Variants in PRTFDC1 observed in about 807,000 individuals in gnomAD.
PRTFDC1 encodes the protein phosphoribosyl transferase domain containing 1.
In PRTFDC1, 38 loss-of-function variants were observed where a neutral mutation model predicts 34.6. That is an observed-to-expected ratio of 1.10 (90% CI 0.85 to 1.44). The LOEUF is 1.44. PRTFDC1 is among the 40% of genes most tolerant of loss of function. The probability of loss-of-function intolerance (pLI) is 0.00; values close to 1 mark genes in which losing one functional copy is unlikely to be tolerated. For missense variants in PRTFDC1, 270 were observed against 283.0 expected (o/e 0.95, Z 0.33); for synonymous variants, 93 against 98.1 (o/e 0.95, Z 0.31).
Position 24,930,539 on chromosome 10 carries a change from A to G in PRTFDC1, c.339+6645T>C, listed in dbSNP as rs147861549. Among the ~76,000 whole-genome samples, 168 of 152,336 alleles carry G rather than the reference A, an allele frequency of 1.1e-3. 1 individual carries two copies. The highest frequency in any genetic ancestry group is 3.8e-3 in the African/African-American group (160 of 41,586). The stretch of plus-strand genomic sequence containing the variant: ...ATGTCAAAATAAAGCTCAAGAAAAA[A>G]TAATGCTGATTCATTTGGTCAAATG... On this transcript the variant is annotated intron_variant, in intron 3 of 8. Coordinates refer to ENST00000320152, the MANE Select transcript of PRTFDC1 (RefSeq NM_020200.7).
intron 4 of PRTFDC1, among the ~76,000 whole-genome samples, chr10:24,861,598 CTGTT>C (rs1847681226): frequency 6.6e-6 from 1 of 152,064 alleles, no homozygotes; most frequent in African/African-American, 2.4e-5. Flanking sequence ...CACTTCACCT[CTGTT>C]TGCTCCCAAT....
chr10:24,860,210 T>A (rs544248637), intron 4 of PRTFDC1, among the ~76,000 whole-genome samples: 150 of 152,198 alleles, frequency 9.9e-4, no homozygotes, highest in African/African-American at 3.4e-3. Context: ...TGAAACCCCG[T>A]CTCTACTAAA....
chr10:24,855,032 A>G (rs1847548281), intron 7 of PRTFDC1, among the ~76,000 whole-genome samples: 1 of 152,190 alleles, frequency 6.6e-6, no homozygotes, highest in Non-Finnish European at 1.5e-5. Context: ...ACTTCTCTGT[A>G]GTTAAGGTGC....
rs1357279084 is a variant in PRTFDC1 at position 24,872,073 on chromosome 10, A to G, written c.340-10T>C. 6.2e-7 allele frequency: 1 copy of G among 1,601,672 alleles called. No homozygotes were observed. The highest frequency in any genetic ancestry group is 8.5e-7 in the Non-Finnish European group (1 of 1,170,366). On this transcript the variant is annotated splice_polypyrimidine_tract_variant and intron_variant, in intron 3 of 8. Transcript: ENST00000320152. ...CCATGGACTGGTCATTCTGCAAAAA[A>G]GAAGAAAAAAAAGGGAGACAATTTT...
At chr10:24,881,652 A>G (rs1848081101) in intron 3 of PRTFDC1, among the ~76,000 whole-genome samples, 2 of 152,214 alleles carry the variant, frequency 1.3e-5, no homozygotes, top group South Asian at 4.1e-4. Context: ...TAAAGAATTC[A>G]CTACTTGTAA....
intron 3 of PRTFDC1, among the ~76,000 whole-genome samples, chr10:24,890,274 G>A (rs148768793): frequency 2.9e-3 from 436 of 152,220 alleles, no homozygotes; most frequent in African/African-American, 0.01. Context: ...CTAGGCTGCC[G>A]ATGAGCAATG....
intron 3 of PRTFDC1, among the ~76,000 whole-genome samples, chr10:24,934,662 G>C: frequency 6.6e-6 from 1 of 152,128 alleles, no homozygotes; most frequent in South Asian, 2.1e-4. Context: ...ATCTACCCAT[G>C]ATCTGGAAGC....
chr10:24,868,907 T>G (rs75512667), intron 4 of PRTFDC1, among the ~76,000 whole-genome samples: 1 of 152,356 alleles, frequency 6.6e-6, no homozygotes, highest in South Asian at 2.1e-4. Context: ...TTTTATTTTT[T>G]CGTTGATACA....
intron 4 of PRTFDC1, among the ~76,000 whole-genome samples, chr10:24,863,190 C>T (rs6482449): frequency 0.81 from 123,177 of 152,186 alleles, 50,045 homozygotes; most frequent in South Asian, 0.84. Context: ...AGACTGACTC[C>T]TTTTAGGGAC....
intron 3 of PRTFDC1, among the ~76,000 whole-genome samples, chr10:24,918,658 T>C (rs1348497344): frequency 1.3e-5 from 2 of 151,986 alleles, no homozygotes; most frequent in African/African-American, 2.4e-5. Flanking sequence ...CAAGCAATCC[T>C]CCCCACTCAG....
At position 24,921,248 on chromosome 10, in the gene PRTFDC1, T is replaced by G. The variant is rs531816463; in HGVS notation, c.339+15936A>C. 2.6e-5 allele frequency among the ~76,000 whole-genome samples: 4 copies of G among 152,316 alleles called. No homozygotes were observed. The South Asian group carries it at 8.3e-4, about 32-fold the overall frequency. On this transcript the variant is annotated intron_variant, in intron 3 of 8. Coordinates refer to ENST00000320152, the MANE Select transcript of PRTFDC1 (RefSeq NM_020200.7). ...AGATGAGGGAGAATATCACACATTT[T>G]CATTTCTCAGATCTCTTACACACGC...
Position 24,937,353 on chromosome 10 carries a change from G to A in PRTFDC1, c.170C>T (p.Ala57Val). Reference sequence around the variant, plus strand: ...TCCTATGTCTTTCATAATATCCTTGGCCAGCCGCTCAATTCTGAAAGAAGG... The same window carrying A: ...TCCTATGTCTTTCATAATATCCTTGACCAGCCGCTCAATTCTGAAAGAAGG... ...GIIVDRIERLAKDIMKDIGYS... is the reference protein window; with the variant it reads ...GIIVDRIERLVKDIMKDIGYS... The change falls in exon 3 of 9, where the codon GCC (alanine) becomes GTC (valine). Residue 57 changes from alanine to valine, a missense_variant. Transcript: ENST00000320152. 7 of 1,607,204 alleles carry A rather than the reference G, an allele frequency of 4.4e-6. No homozygotes were observed. Among genetic ancestry groups the A allele is most frequent in the Non-Finnish European group, 5.9e-6 (7 of 1,178,126 alleles).
chr10:24,949,898 C>T (rs1444325642), intron 1 of PRTFDC1, among the ~76,000 whole-genome samples: 1 of 151,974 alleles, frequency 6.6e-6, no homozygotes, highest in Non-Finnish European at 1.5e-5. Context: ...CCATGCCAAG[C>T]TAATTTTGTA....
intron 4 of PRTFDC1, among the ~76,000 whole-genome samples, chr10:24,858,702 G>C (rs1398306945): frequency 6.6e-6 from 1 of 152,140 alleles, no homozygotes; most frequent in Non-Finnish European, 1.5e-5. Context: ...ATTCTGCCAA[G>C]GGCCTCCCAC....
chr10:24,878,846 C>CA (rs1438965930), intron 3 of PRTFDC1, among the ~76,000 whole-genome samples: 6 of 152,170 alleles, frequency 3.9e-5, no homozygotes, highest in African/African-American at 1.4e-4. Flanking sequence ...TTTCAAGAGT[C>CA]AGAGCGCAAC....
At chr10:24,889,398 G>C (rs1310588227) in intron 3 of PRTFDC1, among the ~76,000 whole-genome samples, 1 of 152,128 alleles carries the variant, frequency 6.6e-6, no homozygotes, top group Non-Finnish European at 1.5e-5. Context: ...ATGGTATTTT[G>C]TTACAGCAGC....
At chr10:24,923,058 C>T (rs1848815607) in intron 3 of PRTFDC1, among the ~76,000 whole-genome samples, 1 of 152,198 alleles carries the variant, frequency 6.6e-6, no homozygotes, top group African/African-American at 2.4e-5. Flanking sequence ...GCACAGCAGT[C>T]GGAAATCAAC....
chr10:24,867,753 G>A (rs1588579100), intron 4 of PRTFDC1: 1 of 151,558 alleles, frequency 6.6e-6, no homozygotes, highest in South Asian at 2.1e-4. Context: ...TATTAGTGGG[G>A]GATAGGTTGC....
intron 7 of PRTFDC1, 52 bp from the exon 8 acceptor site, chr10:24,851,516 T>C (rs1038002762): frequency 3.2e-6 from 5 of 1,580,682 alleles, no homozygotes; most frequent in Non-Finnish European, 4.3e-6. Flanking sequence ...TTAGATTATA[T>C]AAATGCAAGT....
Sources: gnomAD v4.1 joint callset for allele counts (sites outside exome capture counted in the v4.1 genomes callset) on GRCh38, gnomAD v4.1.1 for gene constraint, MANE v1.5 for transcripts, NCBI Gene and HGNC (gene_info 2026-07-23, HGNC 2026-07-21) for gene names.